The following PANK2 variants were observed in gnomAD, a reference collection of about 807,000 sequenced individuals.
The protein encoded by PANK2 is pantothenate kinase 2, mitochondrial.
A neutral mutation model predicts 43.1 loss-of-function variants in PANK2; 36 were observed. That is an observed-to-expected ratio of 0.84 (90% confidence interval 0.64 to 1.10). PANK2 has a LOEUF of 1.10. Among genes scored for constraint, PANK2 ranks in the 50% least tolerant of loss-of-function variants. The pLI, the probability that PANK2 is intolerant of heterozygous loss-of-function variation, is 0.00. For synonymous variants in PANK2, 281 were observed against 238.2 expected, an observed-to-expected ratio of 1.18 and a Z score of -1.66; for missense variants, 576 against 593.3, an observed-to-expected ratio of 0.97 and a Z score of 0.30.
intron 1 of PANK2, among the ~76,000 whole-genome samples, chr20:3,897,139 T>A (rs1013923056): frequency 1.3e-5 from 2 of 152,180 alleles, no homozygotes; most frequent in Admixed American, 1.3e-4. Context: ...CACAGAAGTC[T>A]TCTGTGTTGA....
chr20:3,893,263 G>C (rs2090152601), intron 1 of PANK2, among the ~76,000 whole-genome samples: 1 of 152,048 alleles, frequency 6.6e-6, no homozygotes, highest in South Asian at 2.1e-4. Context: ...CAGTGTTCTT[G>C]GTCCACATTT....
intron 1 of PANK2, among the ~76,000 whole-genome samples, chr20:3,894,874 C>CT (rs2090179906): frequency 6.6e-6 from 1 of 152,166 alleles, no homozygotes. Flanking sequence ...CAGTATATTA[C>CT]TTTAGGGGCC....
chr20:3,914,810 A>G (rs1199796582), intron 4 of PANK2, among the ~76,000 whole-genome samples: 2 of 151,184 alleles, frequency 1.3e-5, no homozygotes, highest in African/African-American at 2.4e-5. Context: ...GGGTTTGGCC[A>G]TGTTGGCCAG....
In PANK2 at chr20:3,925,176, C is replaced by T. The variant is rs1438124571; in HGVS notation, c.*1882C>T. The T allele has an allele frequency of 6.6e-6, 1 of 152,544 alleles. No homozygotes were observed. Among genetic ancestry groups the T allele is most frequent in the Non-Finnish European group, 1.5e-5 (1 of 68,274 alleles). The allele number at this position is 152,544 out of a possible 1,614,324, so 9.4% of individuals were successfully genotyped here. On this transcript the variant is annotated 3_prime_UTR_variant, in exon 7 of 7. Transcript: ENST00000610179. ...GCTTCCTCCTCCGTGGGCCCTCCCCCTACTCTAGAGAAACTAGTCCATTCC... is the reference window on the plus strand; with the variant it reads ...GCTTCCTCCTCCGTGGGCCCTCCCCTTACTCTAGAGAAACTAGTCCATTCC...
upstream of PANK2, chr20:3,889,055 G>T: frequency 2.8e-6 from 4 of 1,445,890 alleles, no homozygotes; most frequent in Non-Finnish European, 3.7e-6. Context: ...TCCGCGGCCC[G>T]GGGGGGCAGA....
At chr20:3,889,304 C>T (rs2090069152), upstream of PANK2, 1 of 1,602,160 alleles carries the variant, frequency 6.2e-7, no homozygotes, top group South Asian at 1.1e-5. Context: ...GACGCGAGGC[C>T]TTTGGGCCGT....
upstream of PANK2, chr20:3,889,327 C>T: frequency 2.5e-6 from 4 of 1,590,208 alleles, no homozygotes; most frequent in Non-Finnish European, 3.4e-6. Context: ...CCAGCCTCGT[C>T]GGATTGGCTT....
chr20:3,922,710 C>T (rs980423245), intron 6 of PANK2, among the ~76,000 whole-genome samples: 4 of 152,146 alleles, frequency 2.6e-5, no homozygotes, highest in Admixed American at 2.0e-4. Context: ...ATGCTGCCCC[C>T]TCCTGCTGTC....
upstream of PANK2, chr20:3,889,298 C>T (rs770776454): frequency 1.8e-5 from 29 of 1,604,526 alleles, no homozygotes; most frequent in Non-Finnish European, 2.5e-5. Flanking sequence ...CGACTGGACG[C>T]GAGGCCTTTG....
intron 1 of PANK2, among the ~76,000 whole-genome samples, chr20:3,896,702 G>C (rs1161332349): frequency 6.6e-6 from 1 of 152,132 alleles, no homozygotes; most frequent in Admixed American, 6.6e-5. Flanking sequence ...CAGGAGGACA[G>C]GGTTTGGAGA....
At chr20:3,911,594 G>GA (rs1175510720) in intron 3 of PANK2, among the ~76,000 whole-genome samples, 4 of 135,364 alleles carry the variant, frequency 3.0e-5, no homozygotes, top group African/African-American at 1.1e-4. Context: ...AAAAAAAAAA[G>GA]AAAAGAGAGT....
At position 3,925,944 on chromosome 20, in the gene PANK2, A is replaced by T. The variant is rs1017411551; in HGVS notation, c.*2650A>T. ...ACCATTGCCACTTCCCTGTCTTAGCAGCTGTCCCTTTCAGTCTGCCCTCCA... is the reference window on the plus strand; with the variant it reads ...ACCATTGCCACTTCCCTGTCTTAGCTGCTGTCCCTTTCAGTCTGCCCTCCA... On this transcript the variant is annotated 3_prime_UTR_variant, in exon 7 of 7. Transcript: ENST00000610179. 2.0e-5 allele frequency: 3 copies of T among 152,300 alleles called. No individual in the cohort carries two copies. The highest frequency in any genetic ancestry group is 2.9e-5 in the Non-Finnish European group (2 of 68,152). 9.4% of individuals were successfully genotyped at this position (152,300 alleles called of 1,614,324 possible).
chr20:3,914,383 A>G (rs370721187), intron 4 of PANK2, among the ~76,000 whole-genome samples: 6 of 151,336 alleles, frequency 4.0e-5, no homozygotes, highest in East Asian at 3.9e-4. Flanking sequence ...TGTTGCGATC[A>G]TAACTGGCTG....
chr20:3,922,337 C>A (rs888648302), intron 6 of PANK2, among the ~76,000 whole-genome samples: 1 of 152,154 alleles, frequency 6.6e-6, no homozygotes. Context: ...ATGTGCTATT[C>A]CTGTGTTTTG....
chr20:3,899,570 G>A (rs982470810), intron 1 of PANK2, among the ~76,000 whole-genome samples: 4 of 151,460 alleles, frequency 2.6e-5, no homozygotes, highest in Non-Finnish European at 5.9e-5. Flanking sequence ...TTGTAGGTGT[G>A]TGTGCAATCT....
chr20:3,911,729 T>G (rs1327949896), intron 3 of PANK2, among the ~76,000 whole-genome samples: 1 of 151,686 alleles, frequency 6.6e-6, no homozygotes, highest in East Asian at 1.9e-4. Context: ...CCATCTCTAC[T>G]AAAAATACAA....
intron 6 of PANK2, among the ~76,000 whole-genome samples, chr20:3,919,595 G>T (rs1236749957): frequency 1.3e-5 from 2 of 152,144 alleles, no homozygotes; most frequent in Non-Finnish European, 2.9e-5. Context: ...AAATGGAAAA[G>T]AATCAAATTG....
chr20:3,889,447 G>T lies in PANK2; in HGVS notation c.17G>T (p.Gly6Val), dbSNP rs767712182. The T allele has an allele frequency of 1.3e-6, 2 of 1,552,754 alleles. No individual in the cohort carries two copies. Among genetic ancestry groups the T allele is most frequent in the East Asian group, 2.4e-5 (1 of 42,416 alleles). Residue 6 changes from glycine to valine, a missense_variant, in exon 1 of 7, where the codon GGG becomes GTG. By Grantham distance (109) the Gly-to-Val change is moderately radical. Transcript: ENST00000610179. ...AATCCGACGCTGGGGGGCTTGCTCGGGCGGCAGCGACTGCTGCTGCGGATG... is the reference window on the plus strand; with the variant it reads ...AATCCGACGCTGGGGGGCTTGCTCGTGCGGCAGCGACTGCTGCTGCGGATG...
Position 3,913,790 on chromosome 20 carries a change from A to T in PANK2, c.1082+1156A>T, listed in dbSNP as rs200679826. Among the ~76,000 whole-genome samples, 984 of 138,452 alleles carry T rather than the reference A, an allele frequency of 7.1e-3. 22 individuals carry two copies. The highest frequency in any genetic ancestry group is 0.053 in the South Asian group (228 of 4,326). The allele number at this position is 138,452 out of a possible 152,430, so 90.8% of individuals were successfully genotyped here. On this transcript the variant is annotated intron_variant, in intron 4 of 6. Transcript: ENST00000610179. ...CACACACACACATATATATATATAT[A>T]TTTTTTTTTTTTTTTTGAGACGGAG...
Sources: gnomAD v4.1 joint callset for allele counts (sites outside exome capture counted in the v4.1 genomes callset) on GRCh38, gnomAD v4.1.1 for gene constraint, MANE v1.5 for transcripts, NCBI Gene and HGNC (gene_info 2026-07-23, HGNC 2026-07-21) for gene names.